TRIOBP: variants seen among roughly 807,000 people sequenced by gnomAD.
TRIOBP encodes the protein TRIO and F-actin-binding protein.
TRIOBP carries 169 observed loss-of-function variants against 238.8 expected under a neutral mutation model. The observed-to-expected ratio is 0.71, with a 90% CI of 0.62 to 0.80. TRIOBP has a LOEUF of 0.80. Among genes scored for constraint, TRIOBP ranks in the 30% least tolerant of loss-of-function variants. The pLI is 0.00. For missense variants in TRIOBP, 2,838 were observed against 3,122.6 expected, an observed-to-expected ratio of 0.91 and a Z score of 2.17; for synonymous variants, 1,150 against 1,274.4, an observed-to-expected ratio of 0.90 and a Z score of 2.08.
In TRIOBP at chr22:37,713,093, C is replaced by G. The variant is rs539259676; in HGVS notation, c.255-117C>G. 4 of 911,264 alleles carry G rather than the reference C, an allele frequency of 4.4e-6. No individual in the cohort carries two copies. In the African/African-American group the frequency reaches 5.0e-5, roughly 11 times the overall value. 56.4% of individuals were successfully genotyped at this position (911,264 alleles called of 1,614,324 possible). ...AGAGGCAGCTCTCACCATTGGCTCCCTTTCCCACACCAGCGTGTGGGCCCC... is the reference window on the plus strand; with the variant it reads ...AGAGGCAGCTCTCACCATTGGCTCCGTTTCCCACACCAGCGTGTGGGCCCC... On this transcript the variant is annotated intron_variant, in intron 4 of 23. Coordinates refer to ENST00000644935, the MANE Select transcript of TRIOBP (RefSeq NM_001039141.3).
At chr22:37,744,012 T>C (rs1046739019) in intron 11 of TRIOBP, among the ~76,000 whole-genome samples, 3 of 148,756 alleles carry the variant, frequency 2.0e-5, no homozygotes, top group Non-Finnish European at 4.5e-5. Flanking sequence ...TTTTTTTTTT[T>C]TTTTTTTCTG....
intron 11 of TRIOBP, chr22:37,746,340 C>T (rs761124821): frequency 5.1e-6 from 6 of 1,168,570 alleles, no homozygotes; most frequent in South Asian, 4.1e-5. Flanking sequence ...CGGCGGGGTT[C>T]CCGCGCCGCG....
rs771667721 is a variant in TRIOBP, at chr22:37,710,465, C to T, written c.153C>T (p.Cys51=). The part of the protein sequence containing the change: ...RSPSGAEVPY[C]DLPRCPPAPE... ...CTTCAGGTGCTGAGGTGCCCTACTGCGACCTGCCTCGATGTCCACCTGCCC... is the reference window on the plus strand; with the variant it reads ...CTTCAGGTGCTGAGGTGCCCTACTGTGACCTGCCTCGATGTCCACCTGCCC... Residue 51 remains cysteine (C), a synonymous_variant, in exon 4 of 24, where the codon TGC becomes TGT. Transcript: ENST00000644935. The T allele has an allele frequency of 3.5e-5, 57 of 1,613,310 alleles. No homozygotes were observed. Among genetic ancestry groups the T allele is most frequent in the Non-Finnish European group, 4.4e-5 (52 of 1,179,978 alleles).
Position 37,725,965 on chromosome 22 carries a change from C to T in TRIOBP, c.3409C>T (p.Gln1137Ter). 1 of 1,610,348 alleles carries T rather than the reference C, an allele frequency of 6.2e-7. No individual in the cohort carries two copies. The highest frequency in any genetic ancestry group is 1.1e-5 in the South Asian group (1 of 90,872). The change falls in exon 7 of 24, where the codon CAG (glutamine) becomes TAG (stop). Residue 1137 changes from glutamine to a stop codon, truncating the protein, a stop_gained. Transcript: ENST00000644935. LOFTEE classifies it high-confidence loss of function. ...GGCCCCAGAGCCTTCCCTCTTATTC[C>T]AGGACCTCCCCAGGGCCAGCACAGA... ...RQAPEPSLLF[Q>*]DLPRASTESL...
At chr22:37,722,230 G>A (rs1019359487) in intron 6 of TRIOBP, among the ~76,000 whole-genome samples, 4 of 151,994 alleles carry the variant, frequency 2.6e-5, no homozygotes, top group African/African-American at 9.7e-5. Context: ...TAGAGCTGTC[G>A]CACAGGAAAC....
intron 9 of TRIOBP, 38 bp downstream of exon 9, chr22:37,735,480 GTCAGCCCCAC>G (rs1177170680): frequency 6.5e-7 from 1 of 1,542,288 alleles, no homozygotes; most frequent in Non-Finnish European, 8.7e-7. Context: ...TAGCCAGAAA[GTCAGCCCCAC>G]TCAGCCAAGT....
At chr22:37,739,027 G>A (rs1924813560) in intron 10 of TRIOBP, among the ~76,000 whole-genome samples, 1 of 152,122 alleles carries the variant, frequency 6.6e-6, no homozygotes, top group African/African-American at 2.4e-5. Flanking sequence ...TGGTCTCTGT[G>A]GGAAGAGATC....
chr22:37,755,686 TGAG>T, intron 15 of TRIOBP, 27 bp downstream of exon 15: 1 of 1,606,480 alleles, frequency 6.2e-7, no homozygotes, highest in South Asian at 1.1e-5. Context: ...ACTGGGGCCT[TGAG>T]GGAGGCACTT....
chr22:37,706,566 G>T (rs1366049003), intron 3 of TRIOBP, among the ~76,000 whole-genome samples: 1 of 152,082 alleles, frequency 6.6e-6, no homozygotes, highest in African/African-American at 2.4e-5. Context: ...TGAGGCTAAA[G>T]GATGGCTTGA....
chr22:37,766,023 C>T (rs957300213), intron 18 of TRIOBP, among the ~76,000 whole-genome samples: 26 of 152,322 alleles, frequency 1.7e-4, no homozygotes, highest in Middle Eastern at 3.4e-3. Flanking sequence ...AAAAGATACC[C>T]TCCCCACCCC....
intron 3 of TRIOBP, among the ~76,000 whole-genome samples, chr22:37,703,644 A>G (rs1300988150): frequency 6.6e-6 from 1 of 151,512 alleles, no homozygotes; most frequent in Non-Finnish European, 1.5e-5. Context: ...AGCTGGGACA[A>G]CAGGCACCCG....
At position 37,775,984 on chromosome 22, in the gene TRIOBP, T is replaced by C. The variant is rs1338043216; in HGVS notation, c.*2204T>C. The C allele has an allele frequency of 6.6e-6, 1 of 152,328 alleles. No individual in the cohort carries two copies. Among genetic ancestry groups the C allele is most frequent in the African/African-American group, 2.4e-5 (1 of 41,436 alleles). 9.4% of individuals were successfully genotyped at this position (152,328 alleles called of 1,614,324 possible). Reference sequence around the variant, plus strand: ...AGGAGTGTTCCTAGCCACTGGGAGATGGGATGCCTGCCACTGGCAGCTCTG... The same window carrying C: ...AGGAGTGTTCCTAGCCACTGGGAGACGGGATGCCTGCCACTGGCAGCTCTG... On this transcript the variant is annotated 3_prime_UTR_variant, in exon 24 of 24. Transcript: ENST00000644935.
rs1404818120 is a variant in TRIOBP, at chr22:37,767,320, GA to G, written c.6473-747del. Among the ~76,000 whole-genome samples, 167 of 148,240 alleles carry G rather than the reference GA, an allele frequency of 1.1e-3. 1 individual carries two copies. The highest frequency in any genetic ancestry group is 4.1e-3 in the African/African-American group (164 of 40,068). On this transcript the variant is annotated intron_variant, in intron 18 of 23. Transcript: ENST00000644935. Reference sequence around the variant, plus strand: ...ACTCTGTCTCAAAAAAAAAAAGAAAGAAAAAAAGGAGAGAAACTTTCAATGT... The same window carrying G: ...ACTCTGTCTCAAAAAAAAAAAGAAAGAAAAAAGGAGAGAAACTTTCAATGT...
chr22:37,725,347 G>A lies in TRIOBP; in HGVS notation c.2791G>A (p.Glu931Lys), dbSNP rs762086978. ...TSSPSRSKQS[E>K]VPWASIALRP... ...TTCCCCATCTCGCTCCAAGCAAAGCGAGGTTCCCTGGGCATCCATCGCCCT... is the reference window on the plus strand; with the variant it reads ...TTCCCCATCTCGCTCCAAGCAAAGCAAGGTTCCCTGGGCATCCATCGCCCT... Residue 931 changes from glutamate (E) to lysine (K), a missense_variant, in exon 7 of 24, where the codon GAG (glutamate) becomes AAG (lysine). Coordinates refer to ENST00000644935, the MANE Select transcript of TRIOBP (RefSeq NM_001039141.3). 8 of 1,613,326 alleles carry A rather than the reference G, an allele frequency of 5.0e-6. No homozygotes were observed. Among genetic ancestry groups the A allele is most frequent in the African/African-American group, 1.3e-5 (1 of 74,878 alleles).
At chr22:37,713,503 G>A in intron 5 of TRIOBP, 92 bp downstream of exon 5, 3 of 1,486,846 alleles carry the variant, frequency 2.0e-6, no homozygotes, top group East Asian at 2.3e-5. Flanking sequence ...CCAGGGCTGA[G>A]CCTCACACCA....
intron 11 of TRIOBP, chr22:37,746,359 C>T (rs1274175273): frequency 3.2e-6 from 4 of 1,244,854 alleles, no homozygotes; most frequent in Non-Finnish European, 3.0e-6. Context: ...CGGAGCCCGG[C>T]CCGAGAGCCG....
In TRIOBP at chr22:37,710,484, C is replaced by T. The variant is rs554630559; in HGVS notation, c.172C>T (p.Pro58Ser). Residue 58 changes from proline (P) to serine (S), a missense_variant, in exon 4 of 24, where the codon CCT (proline) becomes TCT (serine). Transcript: ENST00000644935. ...CTACTGCGACCTGCCTCGATGTCCA[C>T]CTGCCCCTGAGGACCCACTCAGCGC... ...VPYCDLPRCP[P>S]APEDPLSAST... is the part of the protein sequence containing the mutation. 3.7e-6 allele frequency: 6 copies of T among 1,613,236 alleles called. No homozygotes were observed. In the African/African-American group the frequency reaches 4.0e-5, roughly 11 times the overall value.
intron 11 of TRIOBP, among the ~76,000 whole-genome samples, chr22:37,745,224 C>T (rs879337765): frequency 1.3e-5 from 2 of 152,134 alleles, no homozygotes; most frequent in Non-Finnish European, 2.9e-5. Context: ...CCAATTATTC[C>T]AAGCTTCCCT....
intron 3 of TRIOBP, among the ~76,000 whole-genome samples, chr22:37,707,033 C>T (rs1034809970): frequency 3.3e-5 from 5 of 151,882 alleles, no homozygotes; most frequent in Admixed American, 6.6e-5. Flanking sequence ...TTTGGGAGGC[C>T]GAGGCGGGTG....
Sources: allele counts gnomAD v4.1 joint callset (sites outside exome capture counted in the v4.1 genomes callset), GRCh38; gene constraint gnomAD v4.1.1; transcripts MANE v1.5; gene names NCBI Gene and HGNC (gene_info 2026-07-23, HGNC 2026-07-21).